The following NAA60 variants were observed in gnomAD, a reference collection of about 807,000 sequenced individuals.
The protein encoded by NAA60 is N-alpha-acetyltransferase 60, NatF catalytic subunit.
NAA60 carries 8 observed loss-of-function variants against 26.1 expected under a neutral mutation model. The observed-to-expected ratio is 0.31, with a 90% confidence interval of 0.18 to 0.55. The LOEUF is 0.55. Among genes scored for constraint, NAA60 ranks in the 20% least tolerant of loss-of-function variants. The probability of loss-of-function intolerance (pLI) is 0.93; values close to 1 mark genes in which losing one functional copy is unlikely to be tolerated. For synonymous variants in NAA60, 131 were observed against 122.5 expected, an observed-to-expected ratio of 1.07 and a Z score of -0.46; for missense variants, 290 against 311.3, an observed-to-expected ratio of 0.93 and a Z score of 0.51.
At chr16:3,477,459 A>G (rs975591746) in intron 3 of NAA60, among the ~76,000 whole-genome samples, 3 of 152,196 alleles carry the variant, frequency 2.0e-5, no homozygotes, top group Non-Finnish European at 2.9e-5. Context: ...GGAAGCGGGA[A>G]CTGTCACAGT....
intron 2 of NAA60, among the ~76,000 whole-genome samples, chr16:3,474,886 G>C (rs758988001): frequency 1.3e-5 from 2 of 152,174 alleles, no homozygotes; most frequent in South Asian, 4.1e-4. Context: ...GATGAACTAC[G>C]CAGTTCCTCC....
chr16:3,471,231 G>A (rs927316109), intron 2 of NAA60, among the ~76,000 whole-genome samples: 25 of 151,090 alleles, frequency 1.7e-4, no homozygotes, highest in Non-Finnish European at 2.7e-4. Flanking sequence ...GGCCGGGCGC[G>A]GTGCTCACAC....
chr16:3,460,194 G>A (rs1443125270), intron 2 of NAA60, among the ~76,000 whole-genome samples: 1 of 152,154 alleles, frequency 6.6e-6, no homozygotes, highest in Non-Finnish European at 1.5e-5. Flanking sequence ...GGTCCCATTT[G>A]CTTGGTGACA....
intron 2 of NAA60, among the ~76,000 whole-genome samples, chr16:3,464,826 C>T (rs535822252): frequency 4.6e-5 from 7 of 152,266 alleles, no homozygotes; most frequent in Admixed American, 1.3e-4. Flanking sequence ...CTGCAAGATC[C>T]CAGCTGAAAG....
At chr16:3,444,231 G>A (rs773552963) in intron 1 of NAA60, among the ~76,000 whole-genome samples, 2 of 152,092 alleles carry the variant, frequency 1.3e-5, no homozygotes, top group Non-Finnish European at 2.9e-5. Flanking sequence ...GTGTGCTGGG[G>A]GAGGAGGGAG....
At chr16:3,483,227 G>C in intron 5 of NAA60, 136 bp from the exon 6 acceptor site, 1 of 702,790 alleles carries the variant, frequency 1.4e-6, no homozygotes, top group Non-Finnish European at 2.5e-6. Context: ...TTTGACAGTG[G>C]TGGTGAAGAA....
chr16:3,476,404 G>T, intron 3 of NAA60, 67 bp downstream of exon 3: 2 of 1,354,800 alleles, frequency 1.5e-6, no homozygotes, highest in Non-Finnish European at 2.1e-6. Flanking sequence ...TGGGCGGCGG[G>T]GGTGGGGGCC....
At chr16:3,459,081 C>T (rs1050932114) in intron 2 of NAA60, among the ~76,000 whole-genome samples, 9 of 152,140 alleles carry the variant, frequency 5.9e-5, no homozygotes, top group African/African-American at 2.2e-4. Flanking sequence ...ACTCATTTAT[C>T]TTGAAAGAAA....
At chr16:3,449,926 C>T (rs1347718964) in intron 2 of NAA60, 6 of 395,560 alleles carry the variant, frequency 1.5e-5, no homozygotes, top group Non-Finnish European at 2.7e-5. Flanking sequence ...GAGGCCTCCC[C>T]AGCCACGTGG....
intron 2 of NAA60, among the ~76,000 whole-genome samples, chr16:3,463,209 G>A (rs1271451454): frequency 6.6e-6 from 1 of 151,970 alleles, no homozygotes; most frequent in Non-Finnish European, 1.5e-5. Context: ...AAATACCCAA[G>A]CTGTTGCTAA....
chr16:3,469,981 C>G (rs940362153), intron 2 of NAA60, among the ~76,000 whole-genome samples: 1 of 152,210 alleles, frequency 6.6e-6, no homozygotes. Flanking sequence ...AGATGCTCCT[C>G]TGTGCGCCGG....
chr16:3,482,791 C>T lies in NAA60; in HGVS notation c.337+193C>T, dbSNP rs191365584. On this transcript the variant is annotated intron_variant, in intron 5 of 7. Transcript: ENST00000407558. ...ATCCCTCCCCTGCCAGCACACCCACCACCTTCAGCCATCCTCTTTCCACAT... is the reference window on the plus strand; with the variant it reads ...ATCCCTCCCCTGCCAGCACACCCACTACCTTCAGCCATCCTCTTTCCACAT... 7.2e-4 allele frequency: 443 copies of T among 613,190 alleles called. 2 individuals are homozygous for T. Among genetic ancestry groups the T allele is most frequent in the African/African-American group, 7.1e-3 (391 of 54,908 alleles). 38.0% of individuals were successfully genotyped at this position (613,190 alleles called of 1,614,324 possible).
chr16:3,467,767 G>T (rs937825936), intron 2 of NAA60: 2 of 152,230 alleles, frequency 1.3e-5, no homozygotes, highest in South Asian at 4.1e-4. Context: ...CTCCAGTTTG[G>T]CATCATAGTC....
In NAA60 at chr16:3,443,719, C is replaced by T. The variant is rs2034434696; in HGVS notation, c.-195C>T. The stretch of plus-strand genomic sequence containing the variant: ...GGGGTCTCCTCCGTGAGCTCCGGGC[C>T]TGTTTGCCTGCTGAAGTAGAGTCTT... On this transcript the variant is annotated 5_prime_UTR_variant, in exon 1 of 8. Transcript: ENST00000407558. 2 of 1,474,624 alleles carry T rather than the reference C, an allele frequency of 1.4e-6. No individual in the cohort carries two copies. The highest frequency in any genetic ancestry group is 9.0e-7 in the Non-Finnish European group (1 of 1,115,296). The allele number at this position is 1,474,624 out of a possible 1,614,324, so 91.3% of individuals were successfully genotyped here.
intron 2 of NAA60, among the ~76,000 whole-genome samples, chr16:3,466,679 G>C (rs1213267020): frequency 6.6e-6 from 1 of 152,178 alleles, no homozygotes; most frequent in Non-Finnish European, 1.5e-5. Flanking sequence ...AATCTCCCTT[G>C]AGCTTCTCTT....
At chr16:3,450,170 G>A (rs1357308286) in intron 2 of NAA60, 1 of 366,230 alleles carries the variant, frequency 2.7e-6, no homozygotes, top group African/African-American at 2.1e-5. Context: ...CCATGAGTTG[G>A]GATAATTCAC....
intron 6 of NAA60, 70 bp from the exon 7 acceptor site, chr16:3,484,629 G>A (rs1447154897): frequency 2.0e-5 from 31 of 1,535,162 alleles, no homozygotes; most frequent in East Asian, 9.8e-5. Context: ...GCCACTGCGC[G>A]GGCCCCTGAT....
intron 4 of NAA60, 100 bp downstream of exon 4, chr16:3,479,700 C>G: frequency 7.1e-7 from 1 of 1,409,226 alleles, no homozygotes; most frequent in Non-Finnish European, 9.6e-7. Flanking sequence ...AGCCGTCGTC[C>G]AAGGAGCCTG....
intron 7 of NAA60, 77 bp downstream of exon 7, chr16:3,485,138 G>C: frequency 1.1e-6 from 1 of 871,216 alleles, no homozygotes; most frequent in South Asian, 1.4e-5. Context: ...GATGGGCACA[G>C]AGAACGGCAG....
Sources: allele counts gnomAD v4.1 joint callset (sites outside exome capture counted in the v4.1 genomes callset), GRCh38; gene constraint gnomAD v4.1.1; transcripts MANE v1.5; gene names NCBI Gene and HGNC (gene_info 2026-07-23, HGNC 2026-07-21).